AIFM1: variants seen among roughly 807,000 people sequenced by gnomAD.
AIFM1 encodes apoptosis-inducing factor 1, mitochondrial.
Under a neutral mutation model 51.7 loss-of-function variants are expected in AIFM1, and 3 were observed. The ratio of observed to expected loss-of-function variants is 0.06; its 90% CI spans 0.03 to 0.15. AIFM1 has a LOEUF of 0.15. Ranked by LOEUF, AIFM1 falls within the 10% of genes least tolerant of loss-of-function variation. The pLI is 1.00. For missense variants in AIFM1, 330 were observed against 476.8 expected (o/e 0.69, Z 2.87); for synonymous variants, 178 against 179.4 (o/e 0.99, Z 0.06).
chrX:130,154,947 C>T (rs2031113174), intron 2 of AIFM1, among the ~76,000 whole-genome samples: 1 of 112,373 alleles, frequency 8.9e-6, no homozygotes, highest in South Asian at 3.6e-4. Context: ...CATCATTAGA[C>T]TTGTGGCTTT....
intron 3 of AIFM1, among the ~76,000 whole-genome samples, chrX:130,148,451 C>T (rs749541077): frequency 8.9e-6 from 1 of 111,751 alleles, no homozygotes; most frequent in Non-Finnish European, 1.9e-5. Flanking sequence ...AGGGTATGTG[C>T]TTTAGGAAAG....
chrX:130,135,993 T>C lies in AIFM1; in HGVS notation c.1305+52A>G, dbSNP rs760924320. 124 of 1,204,828 alleles carry C rather than the reference T, an allele frequency of 1.0e-4. No homozygotes were observed. The Admixed American group carries it at 2.6e-3, about 26-fold the overall frequency. On this transcript the variant is annotated intron_variant, in intron 12 of 15. Coordinates refer to ENST00000287295, the MANE Select transcript of AIFM1 (RefSeq NM_004208.4). ...TTTAGCACACCACCGGGCAGACTTG[T>C]TCACAGGCTAGGGAGAATGAATTAT...
intron 9 of AIFM1, among the ~76,000 whole-genome samples, chrX:130,138,282 G>A (rs112432216): frequency 2.4e-4 from 26 of 110,193 alleles, no homozygotes; most frequent in African/African-American, 7.3e-4. Flanking sequence ...TGGCTAACAC[G>A]GTGAAACCCC....
intron 1 of AIFM1, among the ~76,000 whole-genome samples, chrX:130,165,035 T>A (rs1232813474): frequency 9.2e-6 from 1 of 109,109 alleles, no homozygotes; most frequent in Non-Finnish European, 1.9e-5. Context: ...TCTCTGGGTG[T>A]CTGGTACACA....
intron 2 of AIFM1, among the ~76,000 whole-genome samples, chrX:130,153,553 T>C (rs190478512): frequency 1.8e-5 from 2 of 111,243 alleles, no homozygotes; most frequent in African/African-American, 3.3e-5. Flanking sequence ...TATTCCTATA[T>C]TGAAGCCTTA....
In AIFM1 at chrX:130,133,420, C is replaced by T; in HGVS notation, c.1341G>A (p.Leu447=). 1.7e-6 allele frequency: 2 copies of T among 1,210,603 alleles called. No homozygotes were observed. The highest frequency in any genetic ancestry group is 2.2e-6 in the Non-Finnish European group (2 of 895,232). The part of the protein sequence containing the change: ...GDAACFYDIK[L]GRRRVEHHDH... ...CATGGTGCTCTACCCGCCTCCTTCCCAACTTTATATCGTAGAAGCATGCAG... is the reference window on the plus strand; with the variant it reads ...CATGGTGCTCTACCCGCCTCCTTCCTAACTTTATATCGTAGAAGCATGCAG... The change falls in exon 13 of 16, where the codon TTG becomes TTA. Residue 447 remains leucine (L), a synonymous_variant. Transcript: ENST00000287295.
intron 1 of AIFM1, among the ~76,000 whole-genome samples, chrX:130,160,175 TA>T (rs1294566439): frequency 2.7e-5 from 3 of 112,387 alleles, no homozygotes; most frequent in Non-Finnish European, 3.8e-5. Flanking sequence ...TTTAATTTTG[TA>T]AAATGTACTA....
At chrX:130,140,409 ACACT>A in intron 7 of AIFM1, 120 bp downstream of exon 7, 1 of 592,815 alleles carries the variant, frequency 1.7e-6, no homozygotes, top group Non-Finnish European at 2.9e-6. Context: ...CCAAGAGAAG[ACACT>A]CACTTCAGAG....
intron 1 of AIFM1, among the ~76,000 whole-genome samples, chrX:130,160,599 T>A (rs2031314151): frequency 8.9e-6 from 1 of 112,180 alleles, no homozygotes; most frequent in Admixed American, 9.5e-5. Flanking sequence ...AAATTTTTTT[T>A]AAATGAAAAG....
chrX:130,132,443 T>G (rs2030130494), intron 13 of AIFM1, among the ~76,000 whole-genome samples: 1 of 113,075 alleles, frequency 8.8e-6, no homozygotes, highest in African/African-American at 3.2e-5. Flanking sequence ...GTCTTGAAAT[T>G]CCCTTTTTGA....
chrX:130,141,758 A>G (rs2030586601), intron 6 of AIFM1, among the ~76,000 whole-genome samples: 1 of 111,588 alleles, frequency 9.0e-6, no homozygotes, highest in Non-Finnish European at 1.9e-5. Flanking sequence ...CCTGGCTCAT[A>G]CTTTTCCTCA....
intron 5 of AIFM1, among the ~76,000 whole-genome samples, chrX:130,147,250 G>C (rs959620911): frequency 8.9e-6 from 1 of 112,271 alleles, no homozygotes; most frequent in Non-Finnish European, 1.9e-5. Flanking sequence ...CCAGAAATAG[G>C]AGCATTAGTA....
intron 13 of AIFM1, 37 bp from the exon 14 acceptor site, chrX:130,131,836 G>A (rs776723577): frequency 8.3e-7 from 1 of 1,204,457 alleles, no homozygotes; most frequent in Non-Finnish European, 1.1e-6. Flanking sequence ...TCAAGGGACT[G>A]TAAGGAATGA....
In AIFM1 at chrX:130,138,276, T is replaced by C. The variant is rs187385111; in HGVS notation, c.967+317A>G. 3.5e-3 allele frequency among the ~76,000 whole-genome samples: 390 copies of C among 110,282 alleles called. No individual in the cohort carries two copies. Among genetic ancestry groups the C allele is most frequent in the African/African-American group, 0.012 (357 of 30,351 alleles). On this transcript the variant is annotated intron_variant, in intron 9 of 15. Coordinates refer to ENST00000287295, the MANE Select transcript of AIFM1 (RefSeq NM_004208.4). ...GTCAGGAGATCGAGACAGTCCTGGCTAACACGGTGAAACCCCATCTCTACT... is the reference window on the plus strand; with the variant it reads ...GTCAGGAGATCGAGACAGTCCTGGCCAACACGGTGAAACCCCATCTCTACT...
chrX:130,165,807 G>A lies in AIFM1; in HGVS notation c.-151C>T. The A allele has an allele frequency of 3.7e-6, 2 of 541,577 alleles. No individual in the cohort carries two copies. Among genetic ancestry groups the A allele is most frequent in the Middle Eastern group, 3.4e-4 (1 of 2,916 alleles). 44.6% of individuals were successfully genotyped at this position (541,577 alleles called of 1,213,427 possible). On this transcript the variant is annotated 5_prime_UTR_variant, in exon 1 of 16. Coordinates refer to ENST00000287295, the MANE Select transcript of AIFM1 (RefSeq NM_004208.4). Reference sequence around the variant, plus strand: ...CCCAGCTCCGGGTGGGCATTGGACAGAGAAGCCGGCCTGCTAGAGCCGGGG... The same window carrying A: ...CCCAGCTCCGGGTGGGCATTGGACAAAGAAGCCGGCCTGCTAGAGCCGGGG...
At chrX:130,132,043 T>C (rs1471584776) in intron 13 of AIFM1, among the ~76,000 whole-genome samples, 5 of 111,537 alleles carry the variant, frequency 4.5e-5, no homozygotes, top group Non-Finnish European at 7.5e-5. Flanking sequence ...GGCTAATTTT[T>C]GTATTTTTAG....
rs1292845931 is a variant in AIFM1 at position 130,147,612 on chromosome X, T to C, written c.486A>G (p.Val162=). The change falls in exon 5 of 16, where the codon GTA becomes GTG. Residue 162 remains valine (V), a synonymous_variant. Coordinates refer to ENST00000287295, the MANE Select transcript of AIFM1 (RefSeq NM_004208.4). ...ARDPGARVLI[V]SEDPELPYMR... The stretch of plus-strand genomic sequence containing the variant: ...TGTACGGCAGCTCAGGATCTTCAGA[T>C]ACAATCAGTACCTTCAGACATAAAA... The C allele has an allele frequency of 8.3e-7, 1 of 1,212,092 alleles. No individual in the cohort carries two copies. Among genetic ancestry groups the C allele is most frequent in the Non-Finnish European group, 1.1e-6 (1 of 895,632 alleles).
At chrX:130,162,766 G>A (rs1160661194) in intron 1 of AIFM1, among the ~76,000 whole-genome samples, 2 of 111,295 alleles carry the variant, frequency 1.8e-5, no homozygotes, top group African/African-American at 6.5e-5. Context: ...TCAGGGAGTC[G>A]GTGATCAGTT....
chrX:130,153,178 C>CAAA (rs34591824), intron 2 of AIFM1, among the ~76,000 whole-genome samples: 1 of 43,914 alleles, frequency 2.3e-5, no homozygotes, highest in Admixed American at 3.1e-4. Context: ...ACTAAAAATA[C>CAAA]AAAAAAAAAA....
Sources: allele counts gnomAD v4.1 joint callset (sites outside exome capture counted in the v4.1 genomes callset), GRCh38; gene constraint gnomAD v4.1.1; transcripts MANE v1.5; gene names NCBI Gene and HGNC (gene_info 2026-07-23, HGNC 2026-07-21).